Variants in ZCWPW2 observed in about 807,000 individuals in gnomAD.
ZCWPW2 encodes the protein zinc finger CW-type and PWWP domain containing 2.
ZCWPW2 carries 45 observed loss-of-function variants against 46.6 expected under a neutral mutation model. The observed-to-expected ratio is 0.96, with a 90% CI of 0.76 to 1.24. The LOEUF (loss-of-function observed/expected upper bound fraction) is 1.24, where lower values mean the gene tolerates loss of function less well. Ranked by LOEUF, ZCWPW2 falls within the 50% of genes most tolerant of loss-of-function variation. The pLI, the probability that ZCWPW2 is intolerant of heterozygous loss-of-function variation, is 0.00. For missense variants in ZCWPW2, 429 were observed against 403.9 expected (o/e 1.06, Z -0.53); for synonymous variants, 152 against 137.1 (o/e 1.11, Z -0.76).
chr3:28,460,039 C>T (rs1182961917), intron 4 of ZCWPW2, among the ~76,000 whole-genome samples: 1 of 152,152 alleles, frequency 6.6e-6, no homozygotes, highest in Non-Finnish European at 1.5e-5. Context: ...CCCAGCCCTA[C>T]CTGCAATGTT....
At chr3:28,442,928 G>A (rs1272305945) in intron 4 of ZCWPW2, among the ~76,000 whole-genome samples, 1 of 152,184 alleles carries the variant, frequency 6.6e-6, no homozygotes, top group African/African-American at 2.4e-5. Flanking sequence ...TCTAGGTAGA[G>A]GCAGCTCTAA....
Position 28,478,929 on chromosome 3 carries a change from A to G in ZCWPW2, c.608A>G (p.Gln203Arg). The G allele has an allele frequency of 6.5e-7, 1 of 1,538,932 alleles. No homozygotes were observed. Residue 203 changes from glutamine to arginine, a missense_variant and splice_region_variant, in exon 5 of 10, where the codon CAA becomes CGA. Physicochemically the swap from Gln to Arg is conservative, Grantham distance 43. Transcript: ENST00000383768. ...GAAATGTGCTGCCTATCAAAACTAC[A>G]AGGTGTATAAATATTTTTTCTTTAT... ...RLEMCCLSKL[Q>R]DKSETHDKVA...
chr3:28,447,732 A>G, intron 4 of ZCWPW2: 1 of 609,974 alleles, frequency 1.6e-6, no homozygotes. Context: ...AGAATGGTCC[A>G]GCATTTGACA....
At chr3:28,494,927 G>T (rs189052216) in intron 6 of ZCWPW2, among the ~76,000 whole-genome samples, 2 of 150,074 alleles carry the variant, frequency 1.3e-5, no homozygotes, top group Non-Finnish European at 3.0e-5. Context: ...GGAAATAAAA[G>T]AGGACACAAA....
chr3:28,367,110 G>T (rs1705148286), intron 1 of ZCWPW2, among the ~76,000 whole-genome samples: 1 of 152,010 alleles, frequency 6.6e-6, no homozygotes, highest in African/African-American at 2.4e-5. Context: ...TGGCTTCATT[G>T]ATTTTTTGAA....
intron 1 of ZCWPW2, among the ~76,000 whole-genome samples, chr3:28,349,405 T>A (rs75731310): frequency 0.013 from 1,955 of 152,292 alleles, 33 homozygotes; most frequent in African/African-American, 0.044. Context: ...CGTTCCTCTG[T>A]AGCCTCTGTT....
chr3:28,367,557 A>C (rs113032016), intron 1 of ZCWPW2, among the ~76,000 whole-genome samples: 1,561 of 152,276 alleles, frequency 0.01, 24 homozygotes, highest in African/African-American at 0.036. Flanking sequence ...GGAGAGCTTT[A>C]CTTCCAACTA....
intron 1 of ZCWPW2, among the ~76,000 whole-genome samples, chr3:28,351,958 T>A (rs1265537266): frequency 6.6e-6 from 1 of 152,154 alleles, no homozygotes; most frequent in Non-Finnish European, 1.5e-5. Context: ...ATCTTTAGGG[T>A]ATGAGAATAG....
intron 1 of ZCWPW2, among the ~76,000 whole-genome samples, chr3:28,361,570 A>T (rs1704946252): frequency 6.6e-6 from 1 of 152,186 alleles, no homozygotes. Context: ...CTTCACAGCA[A>T]AAGAAACAAC....
At chr3:28,449,536 A>G (rs1417066635) in intron 4 of ZCWPW2, among the ~76,000 whole-genome samples, 1 of 152,176 alleles carries the variant, frequency 6.6e-6, no homozygotes, top group African/African-American at 2.4e-5. Context: ...GAGAATAGGA[A>G]GTTATTGTTT....
chr3:28,375,145 A>G (rs1274391255), intron 1 of ZCWPW2, among the ~76,000 whole-genome samples: 1 of 147,836 alleles, frequency 6.8e-6, no homozygotes, highest in Non-Finnish European at 1.5e-5. Flanking sequence ...AAGTATAACT[A>G]CTTGGTTTTT....
chr3:28,503,341 T>C (rs945537237), intron 6 of ZCWPW2, among the ~76,000 whole-genome samples: 10 of 152,164 alleles, frequency 6.6e-5, no homozygotes, highest in Non-Finnish European at 1.2e-4. Flanking sequence ...TCAATGCATT[T>C]TGCTGATTAT....
At chr3:28,444,418 C>A (rs1383695102) in intron 4 of ZCWPW2, among the ~76,000 whole-genome samples, 2 of 152,124 alleles carry the variant, frequency 1.3e-5, no homozygotes, top group African/African-American at 4.8e-5. Flanking sequence ...GGTTTATCTC[C>A]TCAGACAAAG....
At chr3:28,358,440 T>C (rs942416836) in intron 1 of ZCWPW2, among the ~76,000 whole-genome samples, 3 of 152,176 alleles carry the variant, frequency 2.0e-5, no homozygotes, top group Non-Finnish European at 4.4e-5. Flanking sequence ...TTATCATTGA[T>C]ATTATAAAAA....
rs1403989073 is a variant in ZCWPW2, at chr3:28,524,695, A to T, written c.*7A>T. 2.7e-6 allele frequency: 4 copies of T among 1,474,324 alleles called. No individual in the cohort carries two copies. The highest frequency in any genetic ancestry group is 3.6e-6 in the Non-Finnish European group (4 of 1,106,438). The allele number at this position is 1,474,324 out of a possible 1,614,324, so 91.3% of individuals were successfully genotyped here. ...TTTGATGTCTGAGTTTTAGAACATT[A>T]TACATTTTTCAAATTAATTATAAAA... On this transcript the variant is annotated 3_prime_UTR_variant, in exon 10 of 10. Transcript: ENST00000383768.
chr3:28,357,570 A>G lies in ZCWPW2; in HGVS notation c.-134+8367A>G, dbSNP rs556995667. On this transcript the variant is annotated intron_variant, in intron 1 of 9. Coordinates refer to ENST00000383768, the MANE Select transcript of ZCWPW2 (RefSeq NM_001040432.4). Reference sequence around the variant, plus strand: ...ACTAGAACCAAAGGTAGACAAAGGGAGAATTCGTGCTCTCTCTGCTTGAAT... The same window carrying G: ...ACTAGAACCAAAGGTAGACAAAGGGGGAATTCGTGCTCTCTCTGCTTGAAT... Among the ~76,000 whole-genome samples, 4 of 152,052 alleles carry G rather than the reference A, an allele frequency of 2.6e-5. No individual in the cohort carries two copies. In the South Asian group the frequency reaches 6.2e-4, roughly 24 times the overall value.
rs183842145 is a variant in ZCWPW2 at position 28,456,315 on chromosome 3, G to A, written c.492+21046G>A. ...TTGTTGGTGAATGCTAGCAATTTTT[G>A]CATATTGACTTTGTGTCCTGATACT... On this transcript the variant is annotated intron_variant, in intron 4 of 9. Transcript: ENST00000383768. 1.6e-3 allele frequency among the ~76,000 whole-genome samples: 236 copies of A among 152,146 alleles called. 1 individual carries two copies. Among genetic ancestry groups the A allele is most frequent in the African/African-American group, 1.8e-3 (73 of 41,520 alleles).
chr3:28,363,802 A>G (rs989649975), intron 1 of ZCWPW2, among the ~76,000 whole-genome samples: 3 of 152,114 alleles, frequency 2.0e-5, no homozygotes, highest in African/African-American at 7.2e-5. Context: ...TCTCATAGAA[A>G]CCACAATTAA....
chr3:28,504,269 A>G (rs1471242281), intron 6 of ZCWPW2, among the ~76,000 whole-genome samples: 1 of 152,132 alleles, frequency 6.6e-6, no homozygotes, highest in East Asian at 1.9e-4. Context: ...TGAAATATTT[A>G]TATTAGAGAT....
Sources: allele counts gnomAD v4.1 joint callset (sites outside exome capture counted in the v4.1 genomes callset), GRCh38; gene constraint gnomAD v4.1.1; transcripts MANE v1.5; gene names NCBI Gene and HGNC (gene_info 2026-07-23, HGNC 2026-07-21).